Variants in SP3 observed in about 807,000 individuals in gnomAD.
SP3 encodes transcription factor Sp3.
SP3 carries 10 observed loss-of-function variants against 70.3 expected under a neutral mutation model. The observed-to-expected ratio is 0.14, with a 90% CI of 0.09 to 0.24. The LOEUF is 0.24. Ranked by LOEUF, SP3 falls within the 10% of genes least tolerant of loss-of-function variation. The pLI, the probability that SP3 is intolerant of heterozygous loss-of-function variation, is 1.00. For missense variants in SP3, 825 were observed against 914.6 expected (o/e 0.90, Z 1.26); for synonymous variants, 402 against 333.5 (o/e 1.21, Z -2.24).
At chr2:173,927,053 A>C (rs1689933568) in intron 4 of SP3, among the ~76,000 whole-genome samples, 1 of 152,138 alleles carries the variant, frequency 6.6e-6, no homozygotes, top group African/African-American at 2.4e-5. Context: ...CTGGCAAGTC[A>C]CATGACCAGG....
At position 173,956,307 on chromosome 2, in the gene SP3, T is replaced by TA; in HGVS notation, c.280-76dup. On this transcript the variant is annotated intron_variant, in intron 3 of 6. Coordinates refer to ENST00000310015, the MANE Select transcript of SP3 (RefSeq NM_003111.5). The stretch of plus-strand genomic sequence containing the variant: ...ACCCTCAAAAAATTCTAAAAACTGG[T>TA]ATAAATCCTACTACCTGAAAATTCA... 7 of 1,448,350 alleles carry TA rather than the reference T, an allele frequency of 4.8e-6. No homozygotes were observed. In the South Asian group the frequency reaches 7.0e-5, roughly 14 times the overall value. 89.7% of individuals were successfully genotyped at this position (1,448,350 alleles called of 1,614,324 possible).
chr2:173,941,475 C>A (rs1690371713), intron 4 of SP3, among the ~76,000 whole-genome samples: 2 of 152,144 alleles, frequency 1.3e-5, no homozygotes, highest in Non-Finnish European at 2.9e-5. Flanking sequence ...CCAGACATGG[C>A]AGCACACATG....
In SP3 at chr2:173,908,318, T is replaced by C. The variant is rs1023935473; in HGVS notation, c.*1623A>G. The C allele has an allele frequency of 4.6e-5, 7 of 152,290 alleles. No homozygotes were observed. The highest frequency in any genetic ancestry group is 7.4e-5 in the Non-Finnish European group (5 of 67,912). The allele number at this position is 152,290 out of a possible 1,614,324, so 9.4% of individuals were successfully genotyped here. Reference sequence around the variant, plus strand: ...AGGGCTAAGACTTTTTTTCAAAAATTTTATTTAATAAGCTCATTCTTATTT... The same window carrying C: ...AGGGCTAAGACTTTTTTTCAAAAATCTTATTTAATAAGCTCATTCTTATTT... On this transcript the variant is annotated 3_prime_UTR_variant, in exon 7 of 7. Coordinates refer to ENST00000310015, the MANE Select transcript of SP3 (RefSeq NM_003111.5).
chr2:173,913,476 T>TA, intron 5 of SP3: 1 of 348,282 alleles, frequency 2.9e-6, no homozygotes, highest in Non-Finnish European at 5.1e-6. Flanking sequence ...ACTCCAGAAT[T>TA]AATGTGATTG....
Position 173,927,050 on chromosome 2 carries a change from G to A in SP3, c.1640-8265C>T, listed in dbSNP as rs115065593. Among the ~76,000 whole-genome samples the A allele has an allele frequency of 4.2e-3, 640 of 152,214 alleles. 1 individual carries two copies. The highest frequency in any genetic ancestry group is 6.7e-3 in the Admixed American group (102 of 15,280). On this transcript the variant is annotated intron_variant, in intron 4 of 6. Coordinates refer to ENST00000310015, the MANE Select transcript of SP3 (RefSeq NM_003111.5). ...CAGAAGGCAAAAGGAGAGCTGGCAA[G>A]TCACATGACCAGGGCAGCAAGAGGG...
In SP3 at chr2:173,904,929, A is replaced by G. The variant is rs1318941607; in HGVS notation, c.*5012T>C. 6.6e-6 allele frequency among the ~76,000 whole-genome samples: 1 copy of G among 152,164 alleles called. No individual in the cohort carries two copies. The highest frequency in any genetic ancestry group is 6.5e-5 in the Admixed American group (1 of 15,276). On this transcript the variant is annotated 3_prime_UTR_variant, in exon 7 of 7. Transcript: ENST00000310015. ...ATCTTAAAAACCACTTCAGTGCTAG[A>G]CTTTATCTTTCAGTCGCAATGAACC...
chr2:173,928,959 T>A (rs1394264226), intron 4 of SP3, among the ~76,000 whole-genome samples: 2 of 152,212 alleles, frequency 1.3e-5, no homozygotes, highest in Non-Finnish European at 2.9e-5. Flanking sequence ...TACAGTAACA[T>A]CAATCACAAA....
chr2:173,963,523 A>T (rs1038286420), intron 3 of SP3: 5 of 154,860 alleles, frequency 3.2e-5, no homozygotes, highest in African/African-American at 1.2e-4. Context: ...CCGCCCTCTC[A>T]GACTTCATTT....
intron 4 of SP3, among the ~76,000 whole-genome samples, chr2:173,926,624 C>G (rs1559095406): frequency 6.6e-6 from 1 of 152,024 alleles, no homozygotes; most frequent in Non-Finnish European, 1.5e-5. Context: ...CACAGCAAGA[C>G]CAGTCTCTAC....
chr2:173,917,802 C>G (rs1689650918), intron 5 of SP3, among the ~76,000 whole-genome samples: 2 of 151,984 alleles, frequency 1.3e-5, no homozygotes, highest in Non-Finnish European at 2.9e-5. Context: ...ATATTATTAA[C>G]AAGAAATACA....
intron 5 of SP3, chr2:173,914,151 T>A (rs1351916950): frequency 3.1e-5 from 4 of 129,180 alleles, no homozygotes; most frequent in Non-Finnish European, 4.9e-5. Context: ...CAGAAAATGT[T>A]ATTTCTCAAC....
At chr2:173,945,355 C>T (rs1425065996) in intron 4 of SP3, among the ~76,000 whole-genome samples, 1 of 152,160 alleles carries the variant, frequency 6.6e-6, no homozygotes, top group Non-Finnish European at 1.5e-5. Context: ...TCAAAAACTA[C>T]ACCTCAAAGT....
intron 4 of SP3, among the ~76,000 whole-genome samples, chr2:173,934,383 G>C (rs889521884): frequency 2.6e-5 from 4 of 152,120 alleles, no homozygotes; most frequent in Non-Finnish European, 4.4e-5. Flanking sequence ...GTCTTTTTGA[G>C]TGGTTACTGC....
Position 173,947,343 on chromosome 2 carries a change from T to A in SP3, c.1639+7530A>T, listed in dbSNP as rs78708249. On this transcript the variant is annotated intron_variant, in intron 4 of 6. Transcript: ENST00000310015. The stretch of plus-strand genomic sequence containing the variant: ...ATCTCTGTGTGGTATTCTGGGTAAA[T>A]TCCTAAGCATATTACTATTTGCTCA... 2.1e-3 allele frequency among the ~76,000 whole-genome samples: 325 copies of A among 152,306 alleles called. 3 individuals are homozygous for A. The highest frequency in any genetic ancestry group is 7.5e-3 in the African/African-American group (313 of 41,564).
At chr2:173,920,031 A>G (rs573752983) in intron 4 of SP3, among the ~76,000 whole-genome samples, 69 of 152,258 alleles carry the variant, frequency 4.5e-4, no homozygotes, top group African/African-American at 1.6e-3. Flanking sequence ...GAACATTAAC[A>G]ACAACTTACA....
intron 3 of SP3, among the ~76,000 whole-genome samples, chr2:173,962,647 TAAAA>T: frequency 6.8e-6 from 1 of 147,084 alleles, no homozygotes; most frequent in South Asian, 2.1e-4. Context: ...TGGTTTAACT[TAAAA>T]AAAAAAAATA....
At chr2:173,944,795 A>G (rs1232736564) in intron 4 of SP3, among the ~76,000 whole-genome samples, 1 of 152,170 alleles carries the variant, frequency 6.6e-6, no homozygotes, top group East Asian at 1.9e-4. Context: ...AATTAAAGAG[A>G]AAAGTACTAA....
chr2:173,963,338 G>A (rs546346203), intron 3 of SP3: 12 of 152,130 alleles, frequency 7.9e-5, no homozygotes, highest in Non-Finnish European at 1.5e-4. Context: ...GTAAGATCCT[G>A]TAACGTCCAA....
rs1000879168 is a variant in SP3, at chr2:173,905,307, G to A, written c.*4634C>T. On this transcript the variant is annotated 3_prime_UTR_variant, in exon 7 of 7. Transcript: ENST00000310015. ...GGAGGTTACCATTTGAATCTCTACC[G>A]TTAAGTCAGGCACTATGCTGAATGC... Among the ~76,000 whole-genome samples, 11 of 152,252 alleles carry A rather than the reference G, an allele frequency of 7.2e-5. No homozygotes were observed. In the South Asian group the frequency reaches 1.0e-3, roughly 14 times the overall value.
Sources: allele counts gnomAD v4.1 joint callset (sites outside exome capture counted in the v4.1 genomes callset), GRCh38; gene constraint gnomAD v4.1.1; transcripts MANE v1.5; gene names NCBI Gene and HGNC (gene_info 2026-07-23, HGNC 2026-07-21).